Variants in EDIL3 observed in about 807,000 individuals in gnomAD.
The protein encoded by EDIL3 is EGF like and discoidin domains 3.
A neutral mutation model predicts 67.4 loss-of-function variants in EDIL3; 37 were observed. That is an observed-to-expected ratio of 0.55 (90% confidence interval 0.42 to 0.72). EDIL3 has a LOEUF of 0.72. Ranked by LOEUF, EDIL3 falls within the 30% of genes least tolerant of loss-of-function variation. The pLI is 0.00. For missense variants in EDIL3, 527 were observed against 586.3 expected (o/e 0.90, Z 1.04); for synonymous variants, 195 against 196.3 (o/e 0.99, Z 0.05).
At chr5:84,160,187 T>C (rs1748578762) in intron 4 of EDIL3, among the ~76,000 whole-genome samples, 5 of 152,156 alleles carry the variant, frequency 3.3e-5, no homozygotes. Flanking sequence ...TGTCAATACA[T>C]GAGGTAAACT....
intron 5 of EDIL3, among the ~76,000 whole-genome samples, chr5:84,119,076 T>C (rs548817738): frequency 1.6e-4 from 25 of 152,230 alleles, no homozygotes; most frequent in African/African-American, 5.5e-4. Flanking sequence ...AGCTTTTACA[T>C]TGTTGTTGTT....
chr5:84,256,223 C>CT (rs1234824448), intron 1 of EDIL3, among the ~76,000 whole-genome samples: 5 of 152,048 alleles, frequency 3.3e-5, no homozygotes, highest in African/African-American at 9.7e-5. Context: ...ATCAATTTGT[C>CT]TATCTGTCCT....
intron 4 of EDIL3, among the ~76,000 whole-genome samples, chr5:84,139,771 A>T (rs923506881): frequency 6.6e-6 from 1 of 152,196 alleles, no homozygotes; most frequent in Non-Finnish European, 1.5e-5. Flanking sequence ...CATAAGCAAA[A>T]GATAATTTGA....
chr5:84,016,852 A>G (rs897060432), intron 9 of EDIL3, among the ~76,000 whole-genome samples: 12 of 152,214 alleles, frequency 7.9e-5, no homozygotes, highest in Admixed American at 1.3e-4. Context: ...AATTGAGTGT[A>G]AAGTCTTTGT....
At chr5:83,953,886 C>G (rs776074020) in intron 10 of EDIL3, among the ~76,000 whole-genome samples, 1 of 151,824 alleles carries the variant, frequency 6.6e-6, no homozygotes, top group Admixed American at 6.6e-5. Context: ...TATTAACACA[C>G]TTTCTCTTTG....
chr5:84,334,746 T>C (rs188610242), intron 1 of EDIL3, among the ~76,000 whole-genome samples: 4 of 152,300 alleles, frequency 2.6e-5, no homozygotes, highest in Admixed American at 2.6e-4. Flanking sequence ...GCCTCAAATA[T>C]TATTTTCTTC....
chr5:84,254,041 A>T (rs1432740557), intron 2 of EDIL3, 43 bp downstream of exon 2: 2 of 1,539,830 alleles, frequency 1.3e-6, no homozygotes, highest in Admixed American at 2.0e-5. Context: ...TTATTCATGG[A>T]AATAAAAAGA....
chr5:84,209,344 G>T (rs549588130), intron 3 of EDIL3, among the ~76,000 whole-genome samples: 1 of 152,066 alleles, frequency 6.6e-6, no homozygotes, highest in East Asian at 1.9e-4. Flanking sequence ...CCTGTACATG[G>T]TGCACATGTA....
intron 2 of EDIL3, among the ~76,000 whole-genome samples, chr5:84,230,410 C>CTT (rs869168484): frequency 2.1e-4 from 29 of 137,162 alleles, no homozygotes; most frequent in African/African-American, 6.9e-4. Flanking sequence ...TTGGACTTTT[C>CTT]TTTTTTTTTT....
At chr5:84,014,555 G>A (rs1745567773) in intron 9 of EDIL3, among the ~76,000 whole-genome samples, 1 of 152,124 alleles carries the variant, frequency 6.6e-6, no homozygotes, top group African/African-American at 2.4e-5. Context: ...TGAGGCAGAA[G>A]AATCGCTTGA....
Position 83,943,263 on chromosome 5 carries a change from C to T in EDIL3, c.*156G>A, listed in dbSNP as rs1744256235. 3.4e-6 allele frequency: 3 copies of T among 871,022 alleles called. 1 individual carries two copies. Among genetic ancestry groups the T allele is most frequent in the South Asian group, 3.6e-5 (2 of 55,360 alleles). 54.0% of individuals were successfully genotyped at this position (871,022 alleles called of 1,614,324 possible). A position where few individuals can be genotyped will look rare whatever the true frequency, so the allele number is the denominator to read the frequency against. ...AATCATTGAAAAGGCAGGCTTAGACCCCCTTAAAAACACCGTTAGTTGCCT... is the reference window on the plus strand; with the variant it reads ...AATCATTGAAAAGGCAGGCTTAGACTCCCTTAAAAACACCGTTAGTTGCCT... On this transcript the variant is annotated 3_prime_UTR_variant, in exon 11 of 11. Coordinates refer to ENST00000296591, the MANE Select transcript of EDIL3 (RefSeq NM_005711.5).
chr5:83,963,484 A>G, intron 9 of EDIL3, 124 bp from the exon 10 acceptor site: 1 of 1,116,354 alleles, frequency 9.0e-7, no homozygotes, highest in Non-Finnish European at 1.2e-6. Context: ...AGTTATTTGT[A>G]TTTTGAAACC....
At chr5:84,327,723 T>C (rs906419759) in intron 1 of EDIL3, among the ~76,000 whole-genome samples, 3 of 152,036 alleles carry the variant, frequency 2.0e-5, no homozygotes, top group South Asian at 2.1e-4. Flanking sequence ...CCACTTTTCA[T>C]TAAAGTTTAC....
intron 1 of EDIL3, among the ~76,000 whole-genome samples, chr5:84,346,403 A>G (rs182955480): frequency 1.2e-3 from 181 of 152,156 alleles, no homozygotes; most frequent in African/African-American, 4.2e-3. Flanking sequence ...TGTCCCAATA[A>G]AACTTTATTT....
intron 6 of EDIL3, among the ~76,000 whole-genome samples, chr5:84,099,677 T>G (rs967873853): frequency 2.0e-5 from 3 of 152,088 alleles, no homozygotes; most frequent in African/African-American, 7.2e-5. Flanking sequence ...GGGCAAAGAC[T>G]TCATGACTAA....
chr5:84,253,985 C>T, intron 2 of EDIL3, 99 bp downstream of exon 2: 1 of 1,270,388 alleles, frequency 7.9e-7, no homozygotes, highest in Non-Finnish European at 1.0e-6. Context: ...CAACATATAG[C>T]AATTTTACAA....
chr5:84,243,177 C>A (rs1053223014), intron 2 of EDIL3, among the ~76,000 whole-genome samples: 3 of 152,000 alleles, frequency 2.0e-5, no homozygotes, highest in Non-Finnish European at 4.4e-5. Context: ...TTACAGTGAC[C>A]GATAAACTGC....
chr5:84,254,005 A>G (rs1745079890), intron 2 of EDIL3, 79 bp downstream of exon 2: 5 of 1,453,216 alleles, frequency 3.4e-6, no homozygotes, highest in African/African-American at 2.8e-5. Flanking sequence ...ACTAATCTCC[A>G]TAATGCACCA....
At chr5:84,077,586 G>T (rs1479142534) in intron 6 of EDIL3, among the ~76,000 whole-genome samples, 1 of 152,100 alleles carries the variant, frequency 6.6e-6, no homozygotes, top group East Asian at 1.9e-4. Flanking sequence ...CAGATCTCAT[G>T]AAAGTTATCC....
Sources: allele counts gnomAD v4.1 joint callset (sites outside exome capture counted in the v4.1 genomes callset), GRCh38; gene constraint gnomAD v4.1.1; transcripts MANE v1.5; gene names NCBI Gene and HGNC (gene_info 2026-07-23, HGNC 2026-07-21).